CDH13: variants seen among roughly 807,000 people sequenced by gnomAD.
CDH13 encodes cadherin-13.
Under a neutral mutation model 63.8 loss-of-function variants are expected in CDH13, and 24 were observed. The ratio of observed to expected loss-of-function variants is 0.38; its 90% CI spans 0.27 to 0.53. CDH13 has a LOEUF of 0.53. Ranked by LOEUF, CDH13 falls within the 20% of genes least tolerant of loss-of-function variation. The pLI is 0.85. For missense variants in CDH13, 1,049 were observed against 903.1 expected, an observed-to-expected ratio of 1.16 and a Z score of -2.07; for synonymous variants, 503 against 355.3, an observed-to-expected ratio of 1.42 and a Z score of -4.67.
Position 82,837,415 on chromosome 16 carries a change from C to G in CDH13, c.46-20947C>G, listed in dbSNP as rs115451647. ...TATGTCAGAGGTCCCCAAGACCACC[C>G]CCAGGTTCCTTGATCCCCAAGTCCT... is the stretch of plus-strand genomic sequence containing the variant. On this transcript the variant is annotated intron_variant, in intron 1 of 13. Transcript: ENST00000567109. 5.4e-3 allele frequency among the ~76,000 whole-genome samples: 800 copies of G among 148,154 alleles called. 3 individuals are homozygous for G. Among genetic ancestry groups the G allele is most frequent in the South Asian group, 0.012 (52 of 4,514 alleles).
At position 83,485,593 on chromosome 16, in the gene CDH13, C is replaced by G. The variant is rs570496430; in HGVS notation, c.782-884C>G. 2.0e-5 allele frequency among the ~76,000 whole-genome samples: 3 copies of G among 152,242 alleles called. No individual in the cohort carries two copies. The East Asian group carries it at 5.8e-4, about 29-fold the overall frequency. On this transcript the variant is annotated intron_variant, in intron 6 of 13. Transcript: ENST00000567109. ...CTGGAATGCCTTTTTGCTCTGAGGT[C>G]CCTTTGACTTGTTCCTGCCTACTCT...
intron 10 of CDH13, among the ~76,000 whole-genome samples, chr16:83,733,503 C>T (rs894865111): frequency 1.4e-4 from 21 of 152,290 alleles, no homozygotes; most frequent in Admixed American, 1.4e-3. Context: ...CCTTGCTTGG[C>T]AGCCGGCCAG....
At chr16:83,425,523 C>G (rs900435984) in intron 6 of CDH13, among the ~76,000 whole-genome samples, 2 of 152,254 alleles carry the variant, frequency 1.3e-5, no homozygotes, top group Admixed American at 6.5e-5. Flanking sequence ...GCATCTCCAC[C>G]ATAACTCCCC....
intron 1 of CDH13, among the ~76,000 whole-genome samples, chr16:82,849,231 C>T (rs541639928): frequency 1.3e-5 from 2 of 152,288 alleles, no homozygotes; most frequent in East Asian, 3.9e-4. Context: ...AAGCCAAGCA[C>T]AGTGGCTCAC....
At chr16:83,711,038 C>G (rs1907961591) in intron 10 of CDH13, among the ~76,000 whole-genome samples, 1 of 152,220 alleles carries the variant, frequency 6.6e-6, no homozygotes, top group South Asian at 2.1e-4. Context: ...GATCCTCATT[C>G]TGGCCACCAG....
rs986209868 is a variant in CDH13 at position 83,505,173 on chromosome 16, T to C, written c.960+18518T>C. Among the ~76,000 whole-genome samples, 13 of 152,314 alleles carry C rather than the reference T, an allele frequency of 8.5e-5. 2 individuals are homozygous for C. The highest frequency in any genetic ancestry group is 6.5e-4 in the Admixed American group (10 of 15,298). On this transcript the variant is annotated intron_variant, in intron 7 of 13. Coordinates refer to ENST00000567109, the MANE Select transcript of CDH13 (RefSeq NM_001257.5). ...TTGGTGCTCTTATTTCCACATTAAG[T>C]TAAAATCTAGCCTCCAGATCCCCAG...
chr16:82,881,191 G>A (rs1046825883), intron 2 of CDH13, among the ~76,000 whole-genome samples: 1 of 152,100 alleles, frequency 6.6e-6, no homozygotes, highest in African/African-American at 2.4e-5. Flanking sequence ...CATGTGCTTG[G>A]GTGTGTAGAG....
intron 6 of CDH13, among the ~76,000 whole-genome samples, chr16:83,392,792 C>G (rs1266479625): frequency 6.6e-6 from 1 of 151,984 alleles, no homozygotes; most frequent in Non-Finnish European, 1.5e-5. Context: ...GCGGTGCCAT[C>G]TTTAAATTAT....
chr16:82,989,486 G>A (rs56969853), intron 2 of CDH13, among the ~76,000 whole-genome samples: 21,149 of 152,172 alleles, frequency 0.14, 1,786 homozygotes, highest in African/African-American at 0.23. Context: ...GGGTAAGGCA[G>A]TGGCAAGGGT....
At chr16:83,091,732 C>T (rs374715017) in intron 3 of CDH13, among the ~76,000 whole-genome samples, 2 of 152,116 alleles carry the variant, frequency 1.3e-5, no homozygotes, top group East Asian at 3.9e-4. Flanking sequence ...TAAGGGAAGG[C>T]TTTTTTGTCT....
chr16:83,535,491 C>T (rs570082104), intron 7 of CDH13, among the ~76,000 whole-genome samples: 1 of 152,160 alleles, frequency 6.6e-6, no homozygotes, highest in African/African-American at 2.4e-5. Flanking sequence ...TAGTGTGTGA[C>T]CGTGAGGACC....
chr16:83,471,645 T>C (rs1246007741), intron 6 of CDH13, among the ~76,000 whole-genome samples: 4 of 152,158 alleles, frequency 2.6e-5, no homozygotes, highest in Admixed American at 1.3e-4. Context: ...GGCTGCCCCA[T>C]GTGTCCAGCC....
chr16:83,281,871 C>T (rs1006924263), intron 5 of CDH13, among the ~76,000 whole-genome samples: 6 of 152,128 alleles, frequency 3.9e-5, no homozygotes, highest in Non-Finnish European at 8.8e-5. Context: ...CGAGATTGCA[C>T]CACTGCATTC....
chr16:83,108,949 C>G (rs558317381), intron 3 of CDH13, among the ~76,000 whole-genome samples: 1 of 152,284 alleles, frequency 6.6e-6, no homozygotes, highest in South Asian at 2.1e-4. Flanking sequence ...CTTCCCTCAT[C>G]AGCTCCCTTC....
intron 3 of CDH13, among the ~76,000 whole-genome samples, chr16:83,095,324 C>T (rs2034139783): frequency 2.6e-5 from 4 of 152,124 alleles, no homozygotes; most frequent in African/African-American, 9.7e-5. Context: ...AGTAATGATC[C>T]ATTCCAGGTA....
intron 7 of CDH13, among the ~76,000 whole-genome samples, chr16:83,559,576 A>AG (rs2075664642): frequency 5.5e-4 from 52 of 94,226 alleles, no homozygotes; most frequent in East Asian, 3.3e-3. Context: ...TATAAAAAGA[A>AG]AGAGAGAGAG....
At chr16:83,442,249 A>G (rs1280705331) in intron 6 of CDH13, among the ~76,000 whole-genome samples, 1 of 152,168 alleles carries the variant, frequency 6.6e-6, no homozygotes, top group Non-Finnish European at 1.5e-5. Flanking sequence ...ATGAGACAAG[A>G]AGGTATTTGA....
intron 2 of CDH13, among the ~76,000 whole-genome samples, chr16:83,007,219 G>C (rs1206850181): frequency 6.6e-6 from 1 of 152,180 alleles, no homozygotes; most frequent in Admixed American, 6.5e-5. Flanking sequence ...ACCGCGCCCA[G>C]CATGATGACT....
Position 82,768,180 on chromosome 16 carries a change from C to G in CDH13, c.46-90182C>G, listed in dbSNP as rs75447402. On this transcript the variant is annotated intron_variant, in intron 1 of 13. Transcript: ENST00000567109. The stretch of plus-strand genomic sequence containing the variant: ...TGCTACACAATCATGCAACATGTGC[C>G]TAATTTTCTCAACTAAATTGCAAGC... Among the ~76,000 whole-genome samples, 1,000 of 152,266 alleles carry G rather than the reference C, an allele frequency of 6.6e-3. 2 individuals carry two copies. The highest frequency in any genetic ancestry group is 0.012 in the Non-Finnish European group (785 of 68,020).
Sources: allele counts gnomAD v4.1 joint callset (sites outside exome capture counted in the v4.1 genomes callset), GRCh38; gene constraint gnomAD v4.1.1; transcripts MANE v1.5; gene names NCBI Gene and HGNC (gene_info 2026-07-23, HGNC 2026-07-21).